Variants in NSG2 observed in about 807,000 individuals in gnomAD.
NSG2 encodes neuronal vesicle trafficking associated 2, also known as neuronal vesicle trafficking-associated protein 2.
NSG2 carries 4 observed loss-of-function variants against 16.9 expected under a neutral mutation model. The observed-to-expected ratio is 0.24, with a 90% CI of 0.12 to 0.54. NSG2 has a LOEUF of 0.54. Among genes scored for constraint, NSG2 ranks in the 20% least tolerant of loss-of-function variants. The pLI is 0.95. For synonymous variants in NSG2, 98 were observed against 88.7 expected (o/e 1.11, Z -0.59); for missense variants, 179 against 221.1 (o/e 0.81, Z 1.21).
intron 2 of NSG2, among the ~76,000 whole-genome samples, chr5:174,048,308 T>C (rs1249326797): frequency 1.3e-5 from 2 of 152,204 alleles, no homozygotes; most frequent in African/African-American, 4.8e-5. Context: ...AGAACAATTG[T>C]ATCAGAGTCT....
chr5:174,080,527 C>CCCTCTTTCTTTCTTTCTT (rs1206641216), intron 3 of NSG2, among the ~76,000 whole-genome samples: 7 of 84,952 alleles, frequency 8.2e-5, no homozygotes, highest in African/African-American at 3.9e-4. Flanking sequence ...TTCTTTCTTT[C>CCCTCTTTCTTTCTTTCTT]TCTCTCTCTC....
At chr5:174,083,020 C>T (rs1760513211) in intron 3 of NSG2, among the ~76,000 whole-genome samples, 1 of 152,200 alleles carries the variant, frequency 6.6e-6, no homozygotes, top group African/African-American at 2.4e-5. Flanking sequence ...TGCTTACCAT[C>T]CAAGACTTGT....
At chr5:174,050,698 C>T (rs1396895087) in intron 2 of NSG2, among the ~76,000 whole-genome samples, 2 of 152,186 alleles carry the variant, frequency 1.3e-5, no homozygotes, top group African/African-American at 2.4e-5. Context: ...AGCCCTCCCC[C>T]TGGCAGGCTC....
intron 2 of NSG2, among the ~76,000 whole-genome samples, chr5:174,051,858 A>G (rs1759894386): frequency 1.3e-5 from 2 of 152,262 alleles, no homozygotes; most frequent in Non-Finnish European, 1.5e-5. Flanking sequence ...GTGGTCAGGC[A>G]GCAGGCCTAA....
At chr5:174,050,768 C>G (rs557562618) in intron 2 of NSG2, among the ~76,000 whole-genome samples, 1 of 152,248 alleles carries the variant, frequency 6.6e-6, no homozygotes, top group East Asian at 1.9e-4. Flanking sequence ...CCCCAGTGCT[C>G]TCTCCCTGCC....
intron 3 of NSG2, chr5:174,066,307 G>C (rs756672599): frequency 2.2e-6 from 1 of 454,954 alleles, no homozygotes; most frequent in Non-Finnish European, 4.4e-6. Context: ...CACAGAGCTT[G>C]CAGGAGAGGC....
intron 3 of NSG2, among the ~76,000 whole-genome samples, chr5:174,089,996 C>CT (rs571597202): frequency 3.9e-5 from 6 of 152,260 alleles, no homozygotes; most frequent in Admixed American, 3.9e-4. Context: ...TGGTGCCTGC[C>CT]TTTTAAGGCA....
intron 1 of NSG2, chr5:174,046,527 A>G: frequency 1.8e-6 from 1 of 544,010 alleles, no homozygotes; most frequent in Non-Finnish European, 3.3e-6. Context: ...GTTGAACCCC[A>G]TGGGAAGGTG....
chr5:174,103,818 G>A (rs1760936506), intron 3 of NSG2, among the ~76,000 whole-genome samples: 1 of 152,064 alleles, frequency 6.6e-6, no homozygotes, highest in Non-Finnish European at 1.5e-5. Context: ...ACAAAAATTA[G>A]CCAGGTGTGG....
intron 2 of NSG2, among the ~76,000 whole-genome samples, chr5:174,048,891 A>G (rs1759841565): frequency 6.6e-6 from 1 of 152,226 alleles, no homozygotes; most frequent in African/African-American, 2.4e-5. Context: ...TGAAAGATCC[A>G]GGGCACCCAG....
chr5:174,084,112 A>T (rs1441644627), intron 3 of NSG2: 1 of 152,186 alleles, frequency 6.6e-6, no homozygotes, highest in Non-Finnish European at 1.5e-5. Context: ...CCTCCAACTT[A>T]TGGCCATCCT....
At chr5:174,097,885 C>G (rs368658677) in intron 3 of NSG2, among the ~76,000 whole-genome samples, 1 of 151,552 alleles carries the variant, frequency 6.6e-6, no homozygotes, top group Admixed American at 6.6e-5. Context: ...GTGTGTCTGT[C>G]TCTCTGGTCT....
At chr5:174,102,032 T>C (rs1263913230) in intron 3 of NSG2, among the ~76,000 whole-genome samples, 2 of 152,194 alleles carry the variant, frequency 1.3e-5, no homozygotes, top group Non-Finnish European at 2.9e-5. Context: ...CTGATAAGCA[T>C]GCAACAGGCT....
intron 3 of NSG2, among the ~76,000 whole-genome samples, chr5:174,081,261 G>C (rs1760460256): frequency 6.6e-6 from 1 of 151,846 alleles, no homozygotes; most frequent in African/African-American, 2.4e-5. Context: ...GCAATTTTTA[G>C]ACTCCTGATG....
At chr5:174,071,022 C>G (rs1002254800) in intron 3 of NSG2, among the ~76,000 whole-genome samples, 4 of 152,224 alleles carry the variant, frequency 2.6e-5, no homozygotes, top group African/African-American at 7.2e-5. Context: ...AGGGCCAGCT[C>G]AGACTGGAGG....
chr5:174,064,936 G>T (rs1249506959), intron 3 of NSG2, among the ~76,000 whole-genome samples: 1 of 152,224 alleles, frequency 6.6e-6, no homozygotes, highest in Non-Finnish European at 1.5e-5. Context: ...CAAGGTGCTT[G>T]CAGCTGAGGA....
intron 3 of NSG2, among the ~76,000 whole-genome samples, chr5:174,092,824 CTA>C (rs1267288275): frequency 6.6e-6 from 1 of 151,904 alleles, no homozygotes; most frequent in African/African-American, 2.4e-5. Context: ...CTCTATGTGA[CTA>C]TACAAAGTTG....
chr5:174,100,169 C>T (rs1760876924), intron 3 of NSG2, among the ~76,000 whole-genome samples: 1 of 152,234 alleles, frequency 6.6e-6, no homozygotes, highest in Non-Finnish European at 1.5e-5. Flanking sequence ...ATCCCATGGG[C>T]TGGGCTGCAC....
At chr5:174,066,668 G>A (rs1760144140) in intron 3 of NSG2, among the ~76,000 whole-genome samples, 1 of 151,980 alleles carries the variant, frequency 6.6e-6, no homozygotes, top group South Asian at 2.1e-4. Flanking sequence ...AGACAAAAAT[G>A]AGAATTATTT....
Sources: gnomAD v4.1 joint callset for allele counts (sites outside exome capture counted in the v4.1 genomes callset) on GRCh38, gnomAD v4.1.1 for gene constraint, MANE v1.5 for transcripts, NCBI Gene and HGNC (gene_info 2026-07-23, HGNC 2026-07-21) for gene names.